ATXN7L1: variants seen among roughly 807,000 people sequenced by gnomAD.
The protein encoded by ATXN7L1 is ataxin 7 like 1, also known as ataxin-7-like protein 1.
Under a neutral mutation model 70.8 loss-of-function variants are expected in ATXN7L1, and 15 were observed. The ratio of observed to expected loss-of-function variants is 0.21; its 90% CI spans 0.14 to 0.33. ATXN7L1 has a LOEUF of 0.33. Among genes scored for constraint, ATXN7L1 ranks in the 10% least tolerant of loss-of-function variants. The pLI is 1.00. For synonymous variants in ATXN7L1, 440 were observed against 445.1 expected (o/e 0.99, Z 0.14); for missense variants, 975 against 1,097.1 (o/e 0.89, Z 1.57).
intron 3 of ATXN7L1, among the ~76,000 whole-genome samples, chr7:105,730,620 T>C (rs1462644431): frequency 6.6e-6 from 1 of 151,892 alleles, no homozygotes; most frequent in Non-Finnish European, 1.5e-5. Context: ...TAATCCCAGC[T>C]ACCCAGGAGG....
intron 3 of ATXN7L1, among the ~76,000 whole-genome samples, chr7:105,726,198 G>A (rs1584845050): frequency 6.6e-6 from 1 of 152,116 alleles, no homozygotes; most frequent in African/African-American, 2.4e-5. Flanking sequence ...CACTGCGCCC[G>A]GCCCTAATTT....
At chr7:105,720,608 G>T (rs1303956524) in intron 3 of ATXN7L1, among the ~76,000 whole-genome samples, 4 of 152,046 alleles carry the variant, frequency 2.6e-5, no homozygotes, top group Non-Finnish European at 4.4e-5. Context: ...TTATTGTAGA[G>T]ATGAGATCTC....
intron 4 of ATXN7L1, among the ~76,000 whole-genome samples, chr7:105,663,504 G>T (rs903843590): frequency 2.6e-5 from 4 of 152,174 alleles, no homozygotes; most frequent in Non-Finnish European, 5.9e-5. Flanking sequence ...ATCAATTAAT[G>T]GAACACTTTT....
At position 105,605,865 on chromosome 7, in the gene ATXN7L1, C is replaced by T. The variant is rs1289764903; in HGVS notation, c.*1987G>A. ...AAAATATAAACATTGCTTAAACTTT[C>T]CTAAGTTTCATATTGTTTCTGAAAC... On this transcript the variant is annotated 3_prime_UTR_variant, in exon 12 of 12. Transcript: ENST00000419735. 5.3e-5 allele frequency: 8 copies of T among 152,128 alleles called. No homozygotes were observed. The highest frequency in any genetic ancestry group is 2.9e-5 in the Non-Finnish European group (2 of 68,022). The allele number at this position is 152,128 out of a possible 1,614,324, so 9.4% of individuals were successfully genotyped here.
chr7:105,645,015 T>C (rs1259637308), intron 4 of ATXN7L1, among the ~76,000 whole-genome samples: 1 of 152,182 alleles, frequency 6.6e-6, no homozygotes, highest in Non-Finnish European at 1.5e-5. Flanking sequence ...TACTGTATAA[T>C]TCCACTTATA....
chr7:105,683,122 C>G (rs905053395), intron 3 of ATXN7L1, among the ~76,000 whole-genome samples: 8 of 152,198 alleles, frequency 5.3e-5, no homozygotes, highest in African/African-American at 1.7e-4. Context: ...AACAGGCACT[C>G]TAAGACAGCA....
chr7:105,733,468 G>T, intron 3 of ATXN7L1, among the ~76,000 whole-genome samples: 1 of 143,758 alleles, frequency 7.0e-6, no homozygotes, highest in Non-Finnish European at 1.5e-5. Context: ...TCCACTTTTT[G>T]ACCTCCAGGA....
chr7:105,775,035 C>T (rs1212327734), intron 3 of ATXN7L1, among the ~76,000 whole-genome samples: 1 of 152,048 alleles, frequency 6.6e-6, no homozygotes, highest in Non-Finnish European at 1.5e-5. Context: ...ATTATTTTTT[C>T]CAGGTAAAGT....
chr7:105,638,645 G>T, intron 6 of ATXN7L1, 36 bp from the exon 7 acceptor site: 1 of 1,528,848 alleles, frequency 6.5e-7, no homozygotes, highest in South Asian at 1.2e-5. Flanking sequence ...CAGCCTCTTT[G>T]ATCAGCACAT....
At chr7:105,643,148 C>T (rs1436815977) in intron 4 of ATXN7L1, 27 bp from the exon 5 acceptor site, 1 of 1,483,332 alleles carries the variant, frequency 6.7e-7, no homozygotes, top group Non-Finnish European at 9.0e-7. Context: ...CAAACACACA[C>T]AATTGTCTTC....
At chr7:105,749,045 C>T (rs545311345) in intron 3 of ATXN7L1, among the ~76,000 whole-genome samples, 14 of 152,252 alleles carry the variant, frequency 9.2e-5, no homozygotes, top group African/African-American at 2.6e-4. Flanking sequence ...CACAGGAATT[C>T]GCCCCTCACT....
chr7:105,819,612 A>T lies in ATXN7L1; in HGVS notation c.251-30904T>A, dbSNP rs770719784. The T allele has an allele frequency of 9.9e-4, 820 of 824,226 alleles. 12 individuals carry two copies. Among genetic ancestry groups the T allele is most frequent in the Non-Finnish European group, 2.0e-4 (93 of 470,994 alleles). The allele number at this position is 824,226 out of a possible 1,614,324, so 51.1% of individuals were successfully genotyped here. A position where few individuals can be genotyped will look rare whatever the true frequency, so the allele number is the denominator to read the frequency against. On this transcript the variant is annotated intron_variant, in intron 2 of 11. Coordinates refer to ENST00000419735, the MANE Select transcript of ATXN7L1 (RefSeq NM_020725.2). The stretch of plus-strand genomic sequence containing the variant: ...GGTGGAGGTCGTACGCTGTGAGGGC[A>T]TCATCATTTCTGGCCATTTCTACAG...
intron 11 of ATXN7L1, 129 bp from the exon 12 acceptor site, chr7:105,608,019 C>CTGCCCTTTGCTGGAT: frequency 1.2e-6 from 1 of 821,862 alleles, no homozygotes; most frequent in Non-Finnish European, 2.0e-6. Context: ...CCATATCCAG[C>CTGCCCTTTGCTGGAT]AAAGGGCAGC....
At position 105,720,172 on chromosome 7, in the gene ATXN7L1, T is replaced by C. The variant is rs139076166; in HGVS notation, c.356-54884A>G. Among the ~76,000 whole-genome samples, 7 of 152,314 alleles carry C rather than the reference T, an allele frequency of 4.6e-5. No individual in the cohort carries two copies. The East Asian group carries it at 1.3e-3, about 29-fold the overall frequency. On this transcript the variant is annotated intron_variant, in intron 3 of 11. Transcript: ENST00000419735. ...ATAGCCCTTGGGTCAGTTACCTCTC[T>C]GGACAGCTTTCCCTAGTGCAGGTGG...
At chr7:105,783,778 G>A (rs1360790326) in intron 3 of ATXN7L1, among the ~76,000 whole-genome samples, 1 of 152,188 alleles carries the variant, frequency 6.6e-6, no homozygotes, top group Non-Finnish European at 1.5e-5. Context: ...AGTTCTGTGA[G>A]TTGTTATAGC....
intron 3 of ATXN7L1, among the ~76,000 whole-genome samples, chr7:105,748,621 G>C (rs2116379884): frequency 6.6e-6 from 1 of 152,284 alleles, no homozygotes; most frequent in Middle Eastern, 3.4e-3. Context: ...ACCTGGGCCT[G>C]GGTATGACTG....
At chr7:105,839,016 C>A (rs190547736) in intron 2 of ATXN7L1, among the ~76,000 whole-genome samples, 6 of 152,208 alleles carry the variant, frequency 3.9e-5, no homozygotes, top group Admixed American at 3.9e-4. Context: ...CTGAAGAACT[C>A]GGGACTGCCC....
chr7:105,691,164 G>A (rs1230006750), intron 3 of ATXN7L1, among the ~76,000 whole-genome samples: 2 of 152,150 alleles, frequency 1.3e-5, no homozygotes, highest in African/African-American at 2.4e-5. Context: ...CTGCTCCCAG[G>A]AGTTTGACAA....
chr7:105,751,640 A>T (rs557560889), intron 3 of ATXN7L1, among the ~76,000 whole-genome samples: 5 of 147,226 alleles, frequency 3.4e-5, no homozygotes, highest in African/African-American at 1.2e-4. Context: ...TGTCTCAAAG[A>T]AAAAAAAAAA....
Sources: gnomAD v4.1 joint callset for allele counts (sites outside exome capture counted in the v4.1 genomes callset) on GRCh38, gnomAD v4.1.1 for gene constraint, MANE v1.5 for transcripts, NCBI Gene and HGNC (gene_info 2026-07-23, HGNC 2026-07-21) for gene names.